AVEN: variants seen among roughly 807,000 people sequenced by gnomAD.
AVEN encodes the protein cell death regulator Aven.
A neutral mutation model predicts 38.1 loss-of-function variants in AVEN; 41 were observed. That is an observed-to-expected ratio of 1.08 (90% CI 0.84 to 1.40). AVEN has a LOEUF of 1.40. Among genes scored for constraint, AVEN ranks in the 40% most tolerant of loss-of-function variants. The pLI, the probability that AVEN is intolerant of heterozygous loss-of-function variation, is 0.00. For missense variants in AVEN, 605 were observed against 438.8 expected (o/e 1.38, Z -3.38); for synonymous variants, 206 against 171.8 (o/e 1.20, Z -1.56).
chr15:34,062,702 A>G (rs779566627), intron 5 of AVEN: 6 of 1,592,070 alleles, frequency 3.8e-6, no homozygotes, highest in Non-Finnish European at 5.1e-6. Context: ...ATTTACTGTA[A>G]AATTTTTGCA....
chr15:33,860,655 T>C (rs1597106547), intron 11 of AVEN: 1 of 1,586,544 alleles, frequency 6.3e-7, no homozygotes, highest in East Asian at 2.3e-5. Flanking sequence ...CGAGAAGATA[T>C]GGAGGTAATG....
chr15:34,063,013 G>A lies in AVEN; in HGVS notation n.1546C>T. 1 of 1,614,200 alleles carries A rather than the reference G, an allele frequency of 6.2e-7. No individual in the cohort carries two copies. The highest frequency in any genetic ancestry group is 8.5e-7 in the Non-Finnish European group (1 of 1,180,032). Reference sequence around the variant, plus strand: ...ATCCTCATGGGACGCTGGGCTCTCGGGAGTCTGGCTTGTGACCTTTGGCTT... The same window carrying A: ...ATCCTCATGGGACGCTGGGCTCTCGAGAGTCTGGCTTGTGACCTTTGGCTT... On this transcript the variant is annotated non_coding_transcript_exon_variant, in exon 5 of 12. Coordinates refer to the AVEN transcript ENST00000675287. The surrounding 1 kb of genome is among the most constrained non-coding windows in gnomAD (Gnocchi z 4.1).
At chr15:33,933,524 C>CACACACAGAGAG (rs1893945145) in intron 2 of AVEN, among the ~76,000 whole-genome samples, 12 of 46,650 alleles carry the variant, frequency 2.6e-4, no homozygotes, top group Non-Finnish European at 4.5e-4. Context: ...CACACACACA[C>CACACACAGAGAG]AGAGAGAGAG....
chr15:33,976,258 T>C (rs1597297160), intron 2 of AVEN, among the ~76,000 whole-genome samples: 1 of 152,256 alleles, frequency 6.6e-6, no homozygotes, highest in African/African-American at 2.4e-5. Flanking sequence ...TCAGTGATCA[T>C]CTCCAGCACT....
chr15:34,008,952 G>GCACACACACAAACACACACA (rs142138959), intron 1 of AVEN, among the ~76,000 whole-genome samples: 2 of 95,516 alleles, frequency 2.1e-5, no homozygotes, highest in African/African-American at 5.8e-5. Flanking sequence ...ACGTGCGCGC[G>GCACACACACAAACACACACA]CGCACACACA....
chr15:33,960,531 C>CT (rs747702440), intron 2 of AVEN, among the ~76,000 whole-genome samples: 1 of 152,070 alleles, frequency 6.6e-6, no homozygotes, highest in African/African-American at 2.4e-5. Context: ...ACATTCATCA[C>CT]TTAGCACATA....
chr15:33,860,937 G>A (rs1887972205), intron 11 of AVEN: 1 of 600,360 alleles, frequency 1.7e-6, no homozygotes, highest in Non-Finnish European at 2.7e-6. Flanking sequence ...CCAATGTATG[G>A]CACTACTGAG....
At position 33,960,014 on chromosome 15, in the gene AVEN, C is replaced by T. The variant is rs556329395; in HGVS notation, c.445+43018G>A. Among the ~76,000 whole-genome samples the T allele has an allele frequency of 7.9e-5, 12 of 152,266 alleles. No homozygotes were observed. The South Asian group carries it at 2.3e-3, about 29-fold the overall frequency. On this transcript the variant is annotated intron_variant, in intron 2 of 5. Transcript: ENST00000306730. ...ACTGGATTCGTGTCGGATGACTTGC[C>T]TAAGGGTGAAAAGGCAAGGCAAGGG...
chr15:33,941,669 A>C lies in AVEN; in HGVS notation c.445+61363T>G, dbSNP rs74788870. 5.1e-3 allele frequency among the ~76,000 whole-genome samples: 771 copies of C among 152,374 alleles called. 8 individuals carry two copies. Among genetic ancestry groups the C allele is most frequent in the South Asian group, 0.026 (127 of 4,830 alleles). Reference sequence around the variant, plus strand: ...AATTACCAGCAAAATAAGGGAAATAAAAACTAAAGATGGACAAGCCTTAAG... The same window carrying C: ...AATTACCAGCAAAATAAGGGAAATACAAACTAAAGATGGACAAGCCTTAAG... On this transcript the variant is annotated intron_variant, in intron 2 of 5. Coordinates refer to ENST00000306730, the MANE Select transcript of AVEN (RefSeq NM_020371.3).
intron 5 of AVEN, among the ~76,000 whole-genome samples, chr15:34,053,319 A>AAAAATATATATATAT (rs775436850): frequency 6.9e-4 from 29 of 42,052 alleles, no homozygotes; most frequent in African/African-American, 2.3e-3. Flanking sequence ...AAAAAAAAAA[A>AAAAATATATATATAT]ATATATATAT....
intron 3 of AVEN, among the ~76,000 whole-genome samples, chr15:33,872,146 A>G (rs924447679): frequency 6.6e-6 from 1 of 151,904 alleles, no homozygotes; most frequent in African/African-American, 2.4e-5. Context: ...GAAAGGAGAC[A>G]CTCCAGTGCT....
At chr15:34,039,501 AGT>A (rs1238012275), upstream of AVEN, among the ~76,000 whole-genome samples, 2 of 152,334 alleles carry the variant, frequency 1.3e-5, no homozygotes, top group Admixed American at 1.3e-4. Flanking sequence ...TGAGATTTGA[AGT>A]GAGTTAATTT....
chr15:33,932,638 A>G (rs1893891180), intron 2 of AVEN, among the ~76,000 whole-genome samples: 1 of 152,134 alleles, frequency 6.6e-6, no homozygotes, highest in South Asian at 2.1e-4. Context: ...CAGCCTAGCC[A>G]ACATGATGAA....
At chr15:34,021,806 G>A (rs1006968082) in intron 1 of AVEN, among the ~76,000 whole-genome samples, 4 of 152,078 alleles carry the variant, frequency 2.6e-5, no homozygotes, top group African/African-American at 9.7e-5. Context: ...AGTGAGCCGA[G>A]GTTGCGCCAC....
intron 1 of AVEN, among the ~76,000 whole-genome samples, chr15:34,022,006 G>A (rs576457722): frequency 1.1e-4 from 17 of 152,326 alleles, no homozygotes; most frequent in Admixed American, 4.6e-4. Context: ...TGTACTTAGA[G>A]AATTCAAGTG....
chr15:34,029,389 A>T (rs535695836), intron 1 of AVEN, among the ~76,000 whole-genome samples: 1 of 152,128 alleles, frequency 6.6e-6, no homozygotes, highest in South Asian at 2.1e-4. Flanking sequence ...GGGGAAAAAA[A>T]AGTTTTAGGA....
At chr15:33,930,948 C>CT (rs914894549) in intron 2 of AVEN, among the ~76,000 whole-genome samples, 1 of 89,982 alleles carries the variant, frequency 1.1e-5, no homozygotes, top group African/African-American at 4.2e-5. Flanking sequence ...CAGTGAGACT[C>CT]TGTCTCAAAA....
chr15:34,070,006 T>C (rs1045159871), intron 2 of AVEN, among the ~76,000 whole-genome samples: 1 of 152,154 alleles, frequency 6.6e-6, no homozygotes, highest in African/African-American at 2.4e-5. Context: ...TACCCACGAC[T>C]GGGTAATTTA....
chr15:33,873,185 C>T (rs1314881991), intron 3 of AVEN, among the ~76,000 whole-genome samples: 4 of 147,634 alleles, frequency 2.7e-5, no homozygotes, highest in South Asian at 2.2e-4. Flanking sequence ...CTGCAACCTC[C>T]GCCTTCTTGG....
Sources: allele counts gnomAD v4.1 joint callset (sites outside exome capture counted in the v4.1 genomes callset), GRCh38; gene constraint gnomAD v4.1.1; non-coding constraint Gnocchi (gnomAD v3.1); transcripts MANE v1.5; gene names NCBI Gene and HGNC (gene_info 2026-07-23, HGNC 2026-07-21).